SH3PXD2A: variants seen among roughly 807,000 people sequenced by gnomAD.
The protein encoded by SH3PXD2A is SH3 and PX domains 2A.
SH3PXD2A carries 32 observed loss-of-function variants against 115.2 expected under a neutral mutation model. The ratio of observed to expected loss-of-function variants is 0.28; its 90% CI spans 0.21 to 0.37. The LOEUF (loss-of-function observed/expected upper bound fraction) is 0.37. Ranked by LOEUF, SH3PXD2A falls within the 10% of genes least tolerant of loss-of-function variation. SH3PXD2A has a pLI of 1.00. For missense variants in SH3PXD2A, 1,328 were observed against 1,498.7 expected (o/e 0.89, Z 1.88); for synonymous variants, 610 against 629.1 (o/e 0.97, Z 0.45).
At chr10:103,778,724 C>T (rs1208133120) in intron 2 of SH3PXD2A, among the ~76,000 whole-genome samples, 1 of 152,224 alleles carries the variant, frequency 6.6e-6, no homozygotes, top group Admixed American at 6.5e-5. Context: ...TGCCCTCCTC[C>T]AGCCCTTTCT....
At chr10:103,699,199 C>T (rs899759799) in intron 5 of SH3PXD2A, among the ~76,000 whole-genome samples, 1 of 152,176 alleles carries the variant, frequency 6.6e-6, no homozygotes, top group Admixed American at 6.5e-5. Flanking sequence ...CCCTCAGGGG[C>T]TGGTGACCCT....
At chr10:103,687,701 C>G (rs976540903) in intron 6 of SH3PXD2A, among the ~76,000 whole-genome samples, 1 of 152,198 alleles carries the variant, frequency 6.6e-6, no homozygotes, top group African/African-American at 2.4e-5. Flanking sequence ...TACTTAGAAC[C>G]CCTCAGTGAA....
At position 103,603,407 on chromosome 10, in the gene SH3PXD2A, T is replaced by C. The variant is rs1253928509; in HGVS notation, c.1811A>G (p.Lys604Arg). 1 of 1,614,112 alleles carries C rather than the reference T, an allele frequency of 6.2e-7. No individual in the cohort carries two copies. The highest frequency in any genetic ancestry group is 1.7e-5 in the Admixed American group (1 of 60,030). The change falls in exon 15 of 15, where the codon AAG (lysine) becomes AGG (arginine). Residue 604 changes from lysine (K) to arginine (R), a missense_variant. Lys to Arg is a conservative substitution (Grantham distance 26, BLOSUM62 2). This residue lies in a region of SH3PXD2A where 509 missense variants were observed against 628.3 expected (regional missense o/e 0.81). Coordinates refer to ENST00000369774, the MANE Select transcript of SH3PXD2A (RefSeq NM_001394015.1). ...PASSLQRARF[K>R]VGESSEDVAL... ...CACATCCTCTGAAGACTCACCCACC[T>C]TGAAGCGGGCCCGCTGCAGAGAAGA...
At chr10:103,621,018 G>T (rs1216037161) in intron 10 of SH3PXD2A, among the ~76,000 whole-genome samples, 1 of 152,134 alleles carries the variant, frequency 6.6e-6, no homozygotes, top group Non-Finnish European at 1.5e-5. Flanking sequence ...CGGTGTATGC[G>T]TGGCTGCATA....
intron 8 of SH3PXD2A, among the ~76,000 whole-genome samples, chr10:103,641,997 G>A (rs2036962589): frequency 6.6e-6 from 1 of 152,122 alleles, no homozygotes; most frequent in Admixed American, 6.5e-5. Flanking sequence ...ACTTACAGTG[G>A]GGTTACGTTC....
At position 103,612,197 on chromosome 10, in the gene SH3PXD2A, T is replaced by C. The variant is rs139393612; in HGVS notation, c.1259-567A>G. Among the ~76,000 whole-genome samples, 7 of 152,296 alleles carry C rather than the reference T, an allele frequency of 4.6e-5. No individual in the cohort carries two copies. In the East Asian group the frequency reaches 9.6e-4, roughly 21 times the overall value. On this transcript the variant is annotated intron_variant, in intron 12 of 14. Coordinates refer to ENST00000369774, the MANE Select transcript of SH3PXD2A (RefSeq NM_001394015.1). ...AGTTTTAAGCCTCAACAAAAGGCAT[T>C]ATTGGGCCAGAGATGGAGGGTGCCA...
chr10:103,748,883 CA>C (rs768991199), intron 3 of SH3PXD2A, among the ~76,000 whole-genome samples: 5 of 152,122 alleles, frequency 3.3e-5, no homozygotes, highest in African/African-American at 4.8e-5. Flanking sequence ...CCTCCAAGGC[CA>C]AGGACCATAA....
At chr10:103,708,196 C>A (rs138379983) in intron 5 of SH3PXD2A, among the ~76,000 whole-genome samples, 1 of 152,286 alleles carries the variant, frequency 6.6e-6, no homozygotes, top group Non-Finnish European at 1.5e-5. Flanking sequence ...CCTTTGTTGG[C>A]GCCGACCTCA....
At chr10:103,688,965 C>CA (rs1344942649) in intron 6 of SH3PXD2A, among the ~76,000 whole-genome samples, 1 of 152,150 alleles carries the variant, frequency 6.6e-6, no homozygotes, top group Non-Finnish European at 1.5e-5. Flanking sequence ...CTTCTGGGTT[C>CA]AAGTGATCCT....
At chr10:103,678,677 C>A (rs960415601) in intron 6 of SH3PXD2A, among the ~76,000 whole-genome samples, 1 of 152,128 alleles carries the variant, frequency 6.6e-6, no homozygotes, top group Non-Finnish European at 1.5e-5. Flanking sequence ...ATCAGCCTCT[C>A]GGGAGTTCTC....
At chr10:103,847,591 C>T (rs1842858972) in intron 1 of SH3PXD2A, among the ~76,000 whole-genome samples, 1 of 152,172 alleles carries the variant, frequency 6.6e-6, no homozygotes, top group Non-Finnish European at 1.5e-5. Context: ...TTTTGAAGCA[C>T]TGGGATTACA....
rs1183809525 is a variant in SH3PXD2A at position 103,756,169 on chromosome 10, G to T, written c.229+10925C>A. Reference sequence around the variant, plus strand: ...TGAAGGGGGAGGAGGTATTTTCAGCGCCCAGAACGATGGATCTGCTGGGTG... The same window carrying T: ...TGAAGGGGGAGGAGGTATTTTCAGCTCCCAGAACGATGGATCTGCTGGGTG... On this transcript the variant is annotated intron_variant, in intron 3 of 14. Coordinates refer to ENST00000369774, the MANE Select transcript of SH3PXD2A (RefSeq NM_001394015.1). This position sits in a 1 kb window ranked among gnomAD's most constrained non-coding sequence, Gnocchi z 4.4. 3.9e-5 allele frequency among the ~76,000 whole-genome samples: 6 copies of T among 152,242 alleles called. No homozygotes were observed. Among genetic ancestry groups the T allele is most frequent in the African/African-American group, 1.4e-4 (6 of 41,534 alleles).
At chr10:103,751,337 T>C (rs76165230) in intron 3 of SH3PXD2A, among the ~76,000 whole-genome samples, 2,020 of 151,982 alleles carry the variant, frequency 0.013, 55 homozygotes, top group African/African-American at 0.047. Context: ...TTTCCTTGCT[T>C]AATAATTATT....
At chr10:103,788,269 T>G (rs2038999497) in intron 2 of SH3PXD2A, among the ~76,000 whole-genome samples, 1 of 152,042 alleles carries the variant, frequency 6.6e-6, no homozygotes, top group South Asian at 2.1e-4. Flanking sequence ...GATGGGAAGG[T>G]GGAGACTCCT....
At chr10:103,662,540 C>T (rs1360753718) in intron 7 of SH3PXD2A, among the ~76,000 whole-genome samples, 1 of 150,852 alleles carries the variant, frequency 6.6e-6, no homozygotes, top group Non-Finnish European at 1.5e-5. Context: ...GCTGGGACTA[C>T]AGGCGCCCGC....
chr10:103,606,568 C>T (rs1363325531), intron 13 of SH3PXD2A, among the ~76,000 whole-genome samples: 1 of 151,204 alleles, frequency 6.6e-6, no homozygotes. Flanking sequence ...TGTACTGCTG[C>T]CATCTCTGCT....
At chr10:103,611,149 T>C (rs989635737) in intron 13 of SH3PXD2A, among the ~76,000 whole-genome samples, 3 of 152,208 alleles carry the variant, frequency 2.0e-5, no homozygotes, top group Non-Finnish European at 4.4e-5. Flanking sequence ...AGACGTTCAC[T>C]GATCTGCCCT....
chr10:103,624,267 G>A (rs2036656405), intron 9 of SH3PXD2A, among the ~76,000 whole-genome samples: 1 of 152,212 alleles, frequency 6.6e-6, no homozygotes, highest in Non-Finnish European at 1.5e-5. Context: ...CACGCCTTTG[G>A]TACAGCAGCA....
chr10:103,675,048 CAG>C (rs1342536014), intron 6 of SH3PXD2A, among the ~76,000 whole-genome samples: 1 of 152,116 alleles, frequency 6.6e-6, no homozygotes, highest in Non-Finnish European at 1.5e-5. Flanking sequence ...GCCAGCTGGT[CAG>C]AGATACCCAT....
Sources: gnomAD v4.1 joint callset for allele counts (sites outside exome capture counted in the v4.1 genomes callset) on GRCh38, gnomAD v4.1.1 for gene constraint, gnomAD v4.1.1 regional missense constraint, Gnocchi (gnomAD v3.1) non-coding constraint, MANE v1.5 for transcripts, NCBI Gene and HGNC (gene_info 2026-07-23, HGNC 2026-07-21) for gene names.